CCDC146: variants seen among roughly 807,000 people sequenced by gnomAD.
CCDC146 encodes coiled-coil domain containing 146.
A neutral mutation model predicts 119.3 loss-of-function variants in CCDC146; 92 were observed. The ratio of observed to expected loss-of-function variants is 0.77; its 90% CI spans 0.65 to 0.92. The LOEUF is 0.92. Ranked by LOEUF, CCDC146 falls within the 40% of genes least tolerant of loss-of-function variation. The probability of loss-of-function intolerance (pLI) is 0.00; values close to 1 mark genes in which losing one functional copy is unlikely to be tolerated. For missense variants in CCDC146, 1,000 were observed against 1,103.0 expected (o/e 0.91, Z 1.32); for synonymous variants, 372 against 371.8 (o/e 1.00, Z -0.01).
chr7:77,287,668 C>G, intron 17 of CCDC146, 91 bp downstream of exon 17: 1 of 1,390,748 alleles, frequency 7.2e-7, no homozygotes, highest in Non-Finnish European at 9.8e-7. Context: ...GAGAGAAGCA[C>G]TGGAGAGATT....
chr7:77,249,249 T>C (rs964351342), intron 4 of CCDC146, among the ~76,000 whole-genome samples: 2 of 152,184 alleles, frequency 1.3e-5, no homozygotes, highest in African/African-American at 4.8e-5. Context: ...CCCAGCACTT[T>C]GAAAGGCTGA....
chr7:77,242,503 T>G (rs748262713), intron 4 of CCDC146: 6 of 448,460 alleles, frequency 1.3e-5, no homozygotes, highest in Non-Finnish European at 1.8e-5. Flanking sequence ...AAGCAGACAT[T>G]AAGTGCTAAA....
chr7:77,131,407 C>T (rs1327892255), intron 1 of CCDC146, among the ~76,000 whole-genome samples: 1 of 152,050 alleles, frequency 6.6e-6, no homozygotes, highest in Non-Finnish European at 1.5e-5. Flanking sequence ...TTGGTACACA[C>T]AACAAAATAG....
At chr7:77,124,589 A>C (rs1379177758) in intron 1 of CCDC146, among the ~76,000 whole-genome samples, 2 of 152,184 alleles carry the variant, frequency 1.3e-5, no homozygotes, top group Non-Finnish European at 2.9e-5. Context: ...GACACCTTTG[A>C]AGAAAAAATG....
intron 2 of CCDC146, among the ~76,000 whole-genome samples, chr7:77,225,415 T>C (rs1054377637): frequency 6.6e-6 from 1 of 151,928 alleles, no homozygotes; most frequent in African/African-American, 2.4e-5. Flanking sequence ...TAGCGGGGCA[T>C]GGTGATGCAC....
At chr7:77,252,913 T>C (rs902018414) in intron 4 of CCDC146, among the ~76,000 whole-genome samples, 5 of 152,220 alleles carry the variant, frequency 3.3e-5, no homozygotes, top group African/African-American at 1.2e-4. Flanking sequence ...TCCACTCACC[T>C]TCCTTGGGCA....
At chr7:77,211,489 C>T (rs1792182138) in intron 2 of CCDC146, among the ~76,000 whole-genome samples, 1 of 152,134 alleles carries the variant, frequency 6.6e-6, no homozygotes, top group South Asian at 2.1e-4. Flanking sequence ...TATAATGCTA[C>T]TTGAGCATTC....
intron 11 of CCDC146, among the ~76,000 whole-genome samples, chr7:77,275,048 AAAAG>A (rs1319707733): frequency 2.9e-5 from 4 of 136,220 alleles, no homozygotes; most frequent in African/African-American, 8.5e-5. Flanking sequence ...AAATATTAAA[AAAAG>A]AACTGGAAGG....
intron 14 of CCDC146, among the ~76,000 whole-genome samples, chr7:77,280,953 A>G (rs1209921192): frequency 2.0e-5 from 3 of 152,178 alleles, no homozygotes; most frequent in Admixed American, 6.5e-5. Flanking sequence ...AATACAAGAA[A>G]TTAGCCAGGT....
rs1791489010 is a variant in CCDC146, at chr7:77,175,610, T to A, written c.156+7786T>A. Among the ~76,000 whole-genome samples, 2 of 151,294 alleles carry A rather than the reference T, an allele frequency of 1.3e-5. 1 individual carries two copies. Among genetic ancestry groups the A allele is most frequent in the African/African-American group, 4.9e-5 (2 of 40,776 alleles). ...CTTACAAAATATGTAATAGCAGCATTTGTGTCCAAGTTTCAGTTGCATGTC... is the reference window on the plus strand; with the variant it reads ...CTTACAAAATATGTAATAGCAGCATATGTGTCCAAGTTTCAGTTGCATGTC... On this transcript the variant is annotated intron_variant, in intron 2 of 18. Transcript: ENST00000285871.
intron 2 of CCDC146, among the ~76,000 whole-genome samples, chr7:77,229,496 A>C (rs1792578553): frequency 1.3e-5 from 2 of 152,150 alleles, no homozygotes; most frequent in African/African-American, 4.8e-5. Flanking sequence ...ATTTTTATGT[A>C]CGGTGTAAGG....
At position 77,261,509 on chromosome 7, in the gene CCDC146, C is replaced by T. The variant is rs1007289731; in HGVS notation, c.987-612C>T. ...TTTTTGAGACGGAGTCTCGCTCTGT[C>T]GCCCAGGCCGGACTGCGGACTGCAG... is the stretch of plus-strand genomic sequence containing the variant. On this transcript the variant is annotated intron_variant, in intron 8 of 18. Transcript: ENST00000285871. Among the ~76,000 whole-genome samples, 5 of 152,116 alleles carry T rather than the reference C, an allele frequency of 3.3e-5. 1 individual carries two copies. Among genetic ancestry groups the T allele is most frequent in the Non-Finnish European group, 4.4e-5 (3 of 68,018 alleles).
chr7:77,282,725 C>A lies in CCDC146; in HGVS notation c.2088C>A (p.Thr696=), dbSNP rs773514542. 1.2e-6 allele frequency: 2 copies of A among 1,614,000 alleles called. No individual in the cohort carries two copies. The highest frequency in any genetic ancestry group is 1.7e-6 in the Non-Finnish European group (2 of 1,179,970). ...IAEKQRQICV[T]QKLLPAKRSL... is the part of the protein sequence containing the mutation. ...AGAAGCAAAGACAAATTTGTGTGAC[C>A]CAGAAATTACTGCCAGCCAAGAGGT... The change falls in exon 15 of 19, where the codon ACC becomes ACA. Residue 696 remains threonine, a synonymous_variant. Coordinates refer to ENST00000285871, the MANE Select transcript of CCDC146 (RefSeq NM_020879.3).
At chr7:77,129,143 C>T (rs10232871) in intron 1 of CCDC146, among the ~76,000 whole-genome samples, 5,717 of 152,092 alleles carry the variant, frequency 0.038, 404 homozygotes, top group African/African-American at 0.13. Context: ...CTGGAAATAA[C>T]TTGTAAATTT....
At chr7:77,132,006 G>A (rs989537276) in intron 1 of CCDC146, among the ~76,000 whole-genome samples, 4 of 152,220 alleles carry the variant, frequency 2.6e-5, no homozygotes, top group Non-Finnish European at 4.4e-5. Context: ...ACAAGCATTT[G>A]ATAGAATGCA....
chr7:77,214,163 G>A (rs1287421410), intron 2 of CCDC146, among the ~76,000 whole-genome samples: 1 of 152,114 alleles, frequency 6.6e-6, no homozygotes, highest in African/African-American at 2.4e-5. Flanking sequence ...ATTCTGATTG[G>A]TGTGAGATGG....
chr7:77,256,785 G>A (rs763117709), intron 6 of CCDC146, among the ~76,000 whole-genome samples: 2 of 152,180 alleles, frequency 1.3e-5, no homozygotes, highest in African/African-American at 2.4e-5. Context: ...TTAGAAACAA[G>A]TGTCACAAAC....
chr7:77,189,717 T>G (rs578153495), intron 2 of CCDC146, among the ~76,000 whole-genome samples: 8 of 152,304 alleles, frequency 5.3e-5, no homozygotes, highest in African/African-American at 1.9e-4. Flanking sequence ...CACAGACATC[T>G]TTGCTGACCT....
chr7:77,220,563 A>C (rs1240325477), intron 2 of CCDC146, among the ~76,000 whole-genome samples: 4 of 152,352 alleles, frequency 2.6e-5, no homozygotes, highest in African/African-American at 9.6e-5. Context: ...TGACATCTTC[A>C]CAATTTATAT....
Sources: allele counts gnomAD v4.1 joint callset (sites outside exome capture counted in the v4.1 genomes callset), GRCh38; gene constraint gnomAD v4.1.1; transcripts MANE v1.5; gene names NCBI Gene and HGNC (gene_info 2026-07-23, HGNC 2026-07-21).